TMEM117: variants seen among roughly 807,000 people sequenced by gnomAD.
The protein encoded by TMEM117 is transmembrane protein 117.
TMEM117 carries 27 observed loss-of-function variants against 52.4 expected under a neutral mutation model. The observed-to-expected ratio is 0.51, with a 90% CI of 0.38 to 0.71. TMEM117 has a LOEUF of 0.71. TMEM117 is among the 30% of genes least tolerant of loss of function. The pLI is 0.00. For missense variants in TMEM117, 556 were observed against 630.5 expected, an observed-to-expected ratio of 0.88 and a Z score of 1.26; for synonymous variants, 215 against 206.3, an observed-to-expected ratio of 1.04 and a Z score of -0.36.
intron 4 of TMEM117, among the ~76,000 whole-genome samples, chr12:44,175,292 C>T (rs1043822378): frequency 3.3e-5 from 5 of 151,888 alleles, no homozygotes; most frequent in Non-Finnish European, 2.9e-5. Flanking sequence ...GTTGAGCTGG[C>T]GAGATTTCGT....
intron 4 of TMEM117, among the ~76,000 whole-genome samples, chr12:44,144,930 G>A (rs930792483): frequency 2.0e-5 from 3 of 152,304 alleles, no homozygotes; most frequent in African/African-American, 7.2e-5. Context: ...GGCCGAGGCG[G>A]GCGGATCATG....
chr12:44,006,154 G>C (rs932628554), intron 3 of TMEM117, among the ~76,000 whole-genome samples: 2 of 152,142 alleles, frequency 1.3e-5, no homozygotes, highest in Non-Finnish European at 2.9e-5. Context: ...TCCACATAAT[G>C]AAAATCAGAA....
chr12:43,873,524 A>G (rs991834774), intron 2 of TMEM117, among the ~76,000 whole-genome samples: 6 of 152,106 alleles, frequency 3.9e-5, no homozygotes, highest in Non-Finnish European at 8.8e-5. Context: ...ACATTTAGCT[A>G]TCTTCTTGCT....
intron 6 of TMEM117, among the ~76,000 whole-genome samples, chr12:44,330,303 G>A (rs879849820): frequency 6.6e-6 from 1 of 151,794 alleles, no homozygotes; most frequent in Admixed American, 6.6e-5. Flanking sequence ...TTATTTCTAA[G>A]TTATTTGGGG....
intron 2 of TMEM117, among the ~76,000 whole-genome samples, chr12:43,917,270 A>G (rs946202914): frequency 6.7e-6 from 1 of 150,000 alleles, no homozygotes; most frequent in Non-Finnish European, 1.5e-5. Context: ...CTGTGGTGGC[A>G]CGAGCCTGTA....
At chr12:44,298,120 T>A (rs945854396) in intron 5 of TMEM117, among the ~76,000 whole-genome samples, 3 of 148,354 alleles carry the variant, frequency 2.0e-5, no homozygotes, top group African/African-American at 7.9e-5. Context: ...TTTCTTTATA[T>A]CCATTATATT....
At chr12:44,048,333 TG>T (rs1946912650) in intron 3 of TMEM117, among the ~76,000 whole-genome samples, 1 of 152,166 alleles carries the variant, frequency 6.6e-6, no homozygotes, top group Non-Finnish European at 1.5e-5. Context: ...AAGTTTTGTT[TG>T]TTTTCTATTT....
intron 3 of TMEM117, among the ~76,000 whole-genome samples, chr12:44,107,388 T>G (rs1947975577): frequency 6.6e-6 from 1 of 152,072 alleles, no homozygotes; most frequent in Non-Finnish European, 1.5e-5. Context: ...GAAAAATTAG[T>G]CTCAGGTTTA....
intron 5 of TMEM117, among the ~76,000 whole-genome samples, chr12:44,296,444 C>T (rs1950770945): frequency 6.6e-6 from 1 of 152,192 alleles, no homozygotes; most frequent in African/African-American, 2.4e-5. Context: ...AAGACTGCCC[C>T]TGACTGCAGC....
At chr12:43,965,475 G>C (rs1460560812) in intron 3 of TMEM117, among the ~76,000 whole-genome samples, 1 of 152,166 alleles carries the variant, frequency 6.6e-6, no homozygotes, top group African/African-American at 2.4e-5. Context: ...GGATTACTCT[G>C]TCTCTCTTAG....
At chr12:44,071,280 T>G (rs1363299014) in intron 3 of TMEM117, among the ~76,000 whole-genome samples, 1 of 152,172 alleles carries the variant, frequency 6.6e-6, no homozygotes, top group South Asian at 2.1e-4. Context: ...GCTCTTCAGA[T>G]CCATCTTATG....
At chr12:44,273,145 C>G (rs2138573260) in intron 5 of TMEM117, among the ~76,000 whole-genome samples, 1 of 152,100 alleles carries the variant, frequency 6.6e-6, no homozygotes, top group Admixed American at 6.6e-5. Flanking sequence ...ACCGCATGTT[C>G]TCACTCACAG....
At chr12:44,078,958 T>G (rs1013417080) in intron 3 of TMEM117, among the ~76,000 whole-genome samples, 3 of 149,036 alleles carry the variant, frequency 2.0e-5, no homozygotes, top group African/African-American at 7.4e-5. Flanking sequence ...TGAGAACATG[T>G]GGAGTTTGGT....
chr12:44,173,025 G>A (rs1484829291), intron 4 of TMEM117, among the ~76,000 whole-genome samples: 6 of 152,110 alleles, frequency 3.9e-5, no homozygotes, highest in Admixed American at 6.5e-5. Flanking sequence ...GCGCCCGGCC[G>A]CAAAATCTTT....
At chr12:43,977,415 C>A (rs1406170327) in intron 3 of TMEM117, among the ~76,000 whole-genome samples, 1 of 152,110 alleles carries the variant, frequency 6.6e-6, no homozygotes, top group African/African-American at 2.4e-5. Flanking sequence ...CACAGAGGAC[C>A]TGAGGGGGTA....
the TMEM117 span, among the ~76,000 whole-genome samples, chr12:43,809,917 A>G: frequency 9.9e-5 from 15 of 152,246 alleles, no homozygotes; most frequent in Non-Finnish European, 2.2e-4. Flanking sequence ...AAATTCTTTC[A>G]TTCCTATCGG....
chr12:43,833,064 T>TG (rs994834939), upstream of TMEM117, among the ~76,000 whole-genome samples: 2 of 152,192 alleles, frequency 1.3e-5, no homozygotes, highest in African/African-American at 4.8e-5. Flanking sequence ...GGAACATTGA[T>TG]GCTGAAAACA....
At chr12:44,129,887 C>T (rs562880266) in intron 3 of TMEM117, among the ~76,000 whole-genome samples, 1 of 152,288 alleles carries the variant, frequency 6.6e-6, no homozygotes, top group South Asian at 2.1e-4. Context: ...TTACAATACT[C>T]TTCACTACAT....
the TMEM117 span, among the ~76,000 whole-genome samples, chr12:43,807,288 C>CTG: frequency 3.3e-5 from 5 of 152,212 alleles, no homozygotes; most frequent in East Asian, 9.6e-4. Flanking sequence ...TGTTCCAGTA[C>CTG]TATACGATGT....
Sources: gnomAD v4.1 joint callset for allele counts (sites outside exome capture counted in the v4.1 genomes callset) on GRCh38, gnomAD v4.1.1 for gene constraint, MANE v1.5 for transcripts, NCBI Gene and HGNC (gene_info 2026-07-23, HGNC 2026-07-21) for gene names.